RALGPS1: variants seen among roughly 807,000 people sequenced by gnomAD.
RALGPS1 encodes the protein Ral GEF with PH domain and SH3 binding motif 1, also known as ras-specific guanine nucleotide-releasing factor RalGPS1.
RALGPS1 carries 19 observed loss-of-function variants against 78.8 expected under a neutral mutation model. The observed-to-expected ratio is 0.24, with a 90% confidence interval of 0.17 to 0.35. The LOEUF (loss-of-function observed/expected upper bound fraction) is 0.35, where lower values mean the gene tolerates loss of function less well. Ranked by LOEUF, RALGPS1 falls within the 10% of genes least tolerant of loss-of-function variation. The pLI is 1.00. For synonymous variants in RALGPS1, 228 were observed against 256.3 expected, an observed-to-expected ratio of 0.89 and a Z score of 1.06; for missense variants, 454 against 688.3, an observed-to-expected ratio of 0.66 and a Z score of 3.81.
intron 8 of RALGPS1, among the ~76,000 whole-genome samples, chr9:127,151,213 T>G (rs1403440620): frequency 2.0e-5 from 3 of 151,436 alleles, no homozygotes; most frequent in Non-Finnish European, 4.4e-5. Flanking sequence ...AAGAGTGAAT[T>G]CAGAAGTTGA....
chr9:127,128,001 T>A (rs530351866), intron 8 of RALGPS1, among the ~76,000 whole-genome samples: 1 of 151,982 alleles, frequency 6.6e-6, no homozygotes. Flanking sequence ...CATTAGGTAT[T>A]TCTCCTAATG....
intron 11 of RALGPS1, among the ~76,000 whole-genome samples, chr9:127,188,748 T>C (rs979484653): frequency 1.3e-5 from 2 of 149,492 alleles, no homozygotes; most frequent in African/African-American, 4.9e-5. Context: ...GGTGGATCAC[T>C]TGAGGCCAGG....
intron 14 of RALGPS1, among the ~76,000 whole-genome samples, chr9:127,201,812 A>G (rs1334970303): frequency 6.6e-6 from 1 of 152,178 alleles, no homozygotes; most frequent in African/African-American, 2.4e-5. Flanking sequence ...CTGGGCCCAG[A>G]GGCCAGCACC....
intron 8 of RALGPS1, among the ~76,000 whole-genome samples, chr9:127,072,314 G>GTGA (rs2050277110): frequency 6.6e-6 from 1 of 152,186 alleles, no homozygotes; most frequent in African/African-American, 2.4e-5. Context: ...CTGGGTTGAA[G>GTGA]TGATCCTCCC....
At chr9:126,944,893 A>AAGGT (rs1213288928) in intron 1 of RALGPS1, among the ~76,000 whole-genome samples, 1 of 152,142 alleles carries the variant, frequency 6.6e-6, no homozygotes, top group Non-Finnish European at 1.5e-5. Context: ...GTCTGTCCAG[A>AAGGT]AGGTATCAGC....
chr9:127,025,915 G>T (rs775038373), intron 4 of RALGPS1, among the ~76,000 whole-genome samples: 1 of 151,844 alleles, frequency 6.6e-6, no homozygotes, highest in Non-Finnish European at 1.5e-5. Context: ...ATATTGCCAG[G>T]CTGGTTTCAA....
rs532758964 is a variant in RALGPS1 at position 127,217,591 on chromosome 9, AC to A, written c.1645-1147del. ...AACAGCAATAAAACACCTTATTGCC[AC>A]CATGAGCCTAACAGCAGAGCCACCA... On this transcript the variant is annotated intron_variant, in intron 18 of 18. Coordinates refer to ENST00000259351, the MANE Select transcript of RALGPS1 (RefSeq NM_014636.3). The A allele has an allele frequency of 1.5e-4, 41 of 281,608 alleles. 1 individual carries two copies. The South Asian group carries it at 4.9e-3, about 34-fold the overall frequency. 17.4% of individuals were successfully genotyped at this position (281,608 alleles called of 1,614,324 possible).
At chr9:126,915,087 G>A (rs1280295334) in intron 1 of RALGPS1, 112 bp downstream of exon 1, 2 of 147,316 alleles carry the variant, frequency 1.4e-5, no homozygotes. Flanking sequence ...CTGCAGGTGT[G>A]GGGGGCGGGA....
chr9:127,085,496 C>G (rs939856374), intron 8 of RALGPS1, among the ~76,000 whole-genome samples: 6 of 152,310 alleles, frequency 3.9e-5, no homozygotes, highest in African/African-American at 1.4e-4. Flanking sequence ...GCCCCATGCT[C>G]TTCTTCCATG....
Position 127,124,268 on chromosome 9 carries a change from A to G in RALGPS1, c.611-41801A>G, listed in dbSNP as rs2056432357. Among the ~76,000 whole-genome samples, 3 of 152,222 alleles carry G rather than the reference A, an allele frequency of 2.0e-5. No individual in the cohort carries two copies. The South Asian group carries it at 6.2e-4, about 32-fold the overall frequency. ...AGGCAGCGCAGTCTCTACCCTGTTCACCAGGGCACTCTCTTTTGAAGCCCC... is the reference window on the plus strand; with the variant it reads ...AGGCAGCGCAGTCTCTACCCTGTTCGCCAGGGCACTCTCTTTTGAAGCCCC... On this transcript the variant is annotated intron_variant, in intron 8 of 18. Transcript: ENST00000259351.
intron 11 of RALGPS1, among the ~76,000 whole-genome samples, 180 bp downstream of exon 11, chr9:127,174,962 G>A (rs2059772619): frequency 6.6e-6 from 1 of 152,222 alleles, no homozygotes; most frequent in Admixed American, 6.5e-5. Flanking sequence ...CGGGACTTCT[G>A]TGGTTCCCCT....
At chr9:127,095,104 A>G (rs2052958878) in intron 8 of RALGPS1, among the ~76,000 whole-genome samples, 1 of 152,222 alleles carries the variant, frequency 6.6e-6, no homozygotes, top group South Asian at 2.1e-4. Flanking sequence ...TCTCTTCAAA[A>G]TATTCCTCAT....
At chr9:127,038,134 C>T (rs1324960194) in intron 5 of RALGPS1, among the ~76,000 whole-genome samples, 2 of 152,224 alleles carry the variant, frequency 1.3e-5, no homozygotes, top group Non-Finnish European at 2.9e-5. Flanking sequence ...TCTGAACTCC[C>T]ATGCTCATGA....
chr9:127,118,617 C>T (rs1206662185), intron 8 of RALGPS1, among the ~76,000 whole-genome samples: 3 of 152,158 alleles, frequency 2.0e-5, no homozygotes, highest in African/African-American at 4.8e-5. Context: ...TTCTGTAAGA[C>T]GGGGACAGCA....
chr9:127,055,101 G>A (rs1408900638), intron 7 of RALGPS1, among the ~76,000 whole-genome samples: 1 of 152,018 alleles, frequency 6.6e-6, no homozygotes, highest in Non-Finnish European at 1.5e-5. Context: ...AAAGGTGTGG[G>A]CATATTCACC....
intron 7 of RALGPS1, among the ~76,000 whole-genome samples, chr9:127,054,653 A>G (rs1052743656): frequency 1.3e-5 from 2 of 151,864 alleles, no homozygotes; most frequent in East Asian, 1.9e-4. Context: ...CTGGGTCTTC[A>G]CTCCTGTTGA....
chr9:126,921,965 A>C (rs2034811574), intron 1 of RALGPS1, among the ~76,000 whole-genome samples: 1 of 152,236 alleles, frequency 6.6e-6, no homozygotes, highest in African/African-American at 2.4e-5. Flanking sequence ...GCAATGTGTT[A>C]AAACACACAT....
intron 8 of RALGPS1, among the ~76,000 whole-genome samples, chr9:127,155,890 A>G (rs1382222890): frequency 8.3e-6 from 1 of 120,660 alleles, no homozygotes; most frequent in African/African-American, 3.9e-5. Context: ...AAAGAAAGAA[A>G]TATCTTGCTT....
At chr9:126,959,864 T>C (rs2038712041) in intron 1 of RALGPS1, among the ~76,000 whole-genome samples, 1 of 152,208 alleles carries the variant, frequency 6.6e-6, no homozygotes, top group Admixed American at 6.5e-5. Flanking sequence ...CTTAGGAGAA[T>C]TGACAGAAAG....
Sources: gnomAD v4.1 joint callset for allele counts (sites outside exome capture counted in the v4.1 genomes callset) on GRCh38, gnomAD v4.1.1 for gene constraint, MANE v1.5 for transcripts, NCBI Gene and HGNC (gene_info 2026-07-23, HGNC 2026-07-21) for gene names.